The following AKAP12 variants were observed in gnomAD, a reference collection of about 807,000 sequenced individuals.
AKAP12 encodes A-kinase anchor protein 12.
In AKAP12, 32 loss-of-function variants were observed where a neutral mutation model predicts 79.9. That is an observed-to-expected ratio of 0.40 (90% CI 0.30 to 0.54). The LOEUF is 0.54. Among genes scored for constraint, AKAP12 ranks in the 20% least tolerant of loss-of-function variants. AKAP12 has a pLI of 0.48. For missense variants in AKAP12, 2,074 were observed against 2,177.0 expected (o/e 0.95, Z 0.94); for synonymous variants, 808 against 857.0 (o/e 0.94, Z 1.00).
At chr6:151,240,111 T>G in intron 1 of AKAP12, 52 bp downstream of exon 1, 1 of 155,900 alleles carries the variant, frequency 6.4e-6, no homozygotes, top group Non-Finnish European at 1.4e-5. Context: ...CGGCAGGCTT[T>G]TTGCTCCCCT....
chr6:151,272,460 C>T (rs530106945), intron 2 of AKAP12, among the ~76,000 whole-genome samples: 2 of 151,080 alleles, frequency 1.3e-5, no homozygotes, highest in East Asian at 3.9e-4. Flanking sequence ...TTCTGTTTTT[C>T]GTACTCCCTT....
At chr6:151,354,346 A>AG (rs1778386662) in intron 4 of AKAP12, among the ~76,000 whole-genome samples, 2 of 116,620 alleles carry the variant, frequency 1.7e-5, no homozygotes, top group African/African-American at 1.0e-4. Context: ...AGTTGCTAGT[A>AG]ACTCCCCATC....
chr6:151,256,606 ATGTG>A (rs1282742320), intron 2 of AKAP12, among the ~76,000 whole-genome samples: 1 of 151,600 alleles, frequency 6.6e-6, no homozygotes, highest in Admixed American at 6.6e-5. Context: ...TTTTTTATAT[ATGTG>A]TGTGTGTGTA....
chr6:151,255,676 G>A (rs1797278792), intron 2 of AKAP12, among the ~76,000 whole-genome samples: 1 of 152,076 alleles, frequency 6.6e-6, no homozygotes, highest in Non-Finnish European at 1.5e-5. Flanking sequence ...TATAGTCCCA[G>A]CTACTCAGGA....
chr6:151,241,936 C>T (rs2114671340), intron 2 of AKAP12, among the ~76,000 whole-genome samples: 1 of 151,952 alleles, frequency 6.6e-6, no homozygotes, highest in African/African-American at 2.4e-5. Flanking sequence ...ATAGTTTTTA[C>T]CGCCAGTCTT....
At chr6:151,242,816 C>T (rs1797004220) in intron 2 of AKAP12, among the ~76,000 whole-genome samples, 2 of 152,300 alleles carry the variant, frequency 1.3e-5, no homozygotes, top group South Asian at 2.1e-4. Flanking sequence ...CAACGGTGTT[C>T]CTTCATGCGT....
intron 3 of AKAP12, among the ~76,000 whole-genome samples, chr6:151,345,893 ATATGTGTGTGTG>A (rs1347845135): frequency 4.9e-5 from 4 of 82,354 alleles, no homozygotes; most frequent in Admixed American, 1.3e-4. Flanking sequence ...ATGTGTGTGT[ATATGTGTGTGTG>A]TGTGTGTGTG....
chr6:151,293,697 C>G (rs1198489576), intron 2 of AKAP12, among the ~76,000 whole-genome samples: 1 of 152,154 alleles, frequency 6.6e-6, no homozygotes, highest in Non-Finnish European at 1.5e-5. Flanking sequence ...TTGTTAAACA[C>G]GGAACTCCAG....
intron 2 of AKAP12, among the ~76,000 whole-genome samples, chr6:151,260,113 T>C (rs1797394697): frequency 6.6e-6 from 1 of 152,190 alleles, no homozygotes. Context: ...CAGTCTCTTT[T>C]CTTACTGTCA....
intron 2 of AKAP12, among the ~76,000 whole-genome samples, chr6:151,299,784 A>G (rs1459310083): frequency 6.8e-6 from 1 of 147,566 alleles, no homozygotes; most frequent in Non-Finnish European, 1.5e-5. Context: ...ATTATGAAGT[A>G]TTTATTACTT....
chr6:151,351,167 G>A lies in AKAP12; in HGVS notation c.2776G>A (p.Glu926Lys). ...ASVTEPLEQV[E>K]AEAALLTEEV... ...AGTGACAGAACCTCTTGAACAAGTAGAAGCTGAAGCCGCACTGTTAACTGA... is the reference window on the plus strand; with the variant it reads ...AGTGACAGAACCTCTTGAACAAGTAAAAGCTGAAGCCGCACTGTTAACTGA... The change falls in exon 4 of 5, where the codon GAA becomes AAA. Residue 926 changes from glutamate (E) to lysine (K), a missense_variant. Around this residue, in one of 3 missense-constraint regions of AKAP12, gnomAD observed 1,428 missense variants for 1,451.0 expected, o/e 0.98. Coordinates refer to ENST00000402676, the MANE Select transcript of AKAP12 (RefSeq NM_005100.4). This position sits in a 1 kb window ranked among gnomAD's most constrained non-coding sequence, Gnocchi z 4.4. 1 of 1,614,218 alleles carries A rather than the reference G, an allele frequency of 6.2e-7. No homozygotes were observed. Among genetic ancestry groups the A allele is most frequent in the Middle Eastern group, 1.6e-4 (1 of 6,062 alleles).
At chr6:151,277,592 T>C (rs1776310390) in intron 2 of AKAP12, among the ~76,000 whole-genome samples, 1 of 152,230 alleles carries the variant, frequency 6.6e-6, no homozygotes, top group East Asian at 1.9e-4. Context: ...ATGAGTTAAC[T>C]ATTAGGGCTT....
intron 3 of AKAP12, among the ~76,000 whole-genome samples, chr6:151,330,014 AAC>A: frequency 6.6e-6 from 1 of 152,216 alleles, no homozygotes; most frequent in East Asian, 1.9e-4. Context: ...GGGATCGTGA[AAC>A]ATCAATATCA....
chr6:151,311,272 A>G (rs925655705), intron 3 of AKAP12, among the ~76,000 whole-genome samples: 1 of 152,222 alleles, frequency 6.6e-6, no homozygotes, highest in African/African-American at 2.4e-5. Context: ...GCCAGCCTTA[A>G]GTAATTTCTG....
intron 3 of AKAP12, chr6:151,319,541 G>GAT (rs1562736651): frequency 1.8e-3 from 126 of 68,540 alleles, no homozygotes; most frequent in African/African-American, 9.3e-3. Flanking sequence ...TATATATATA[G>GAT]ATATAGATAT....
chr6:151,335,320 C>T (rs1345657121), intron 3 of AKAP12, among the ~76,000 whole-genome samples: 1 of 152,160 alleles, frequency 6.6e-6, no homozygotes, highest in Non-Finnish European at 1.5e-5. Context: ...CTGAAGAAAA[C>T]AAGCAAAAAT....
chr6:151,347,636 A>G (rs960798552), intron 3 of AKAP12, among the ~76,000 whole-genome samples: 1 of 152,260 alleles, frequency 6.6e-6, no homozygotes, highest in Non-Finnish European at 1.5e-5. Context: ...AGGTCATTGG[A>G]AAGAAGTAGA....
intron 3 of AKAP12, among the ~76,000 whole-genome samples, chr6:151,342,927 T>C (rs1777990555): frequency 6.6e-6 from 1 of 152,078 alleles, no homozygotes; most frequent in East Asian, 1.9e-4. Flanking sequence ...CATGCACGAC[T>C]GATTTTTGTA....
rs1285807126 is a variant in AKAP12 at position 151,240,430 on chromosome 6, C to T, written c.-133C>T. The T allele has an allele frequency of 7.4e-5, 74 of 994,460 alleles. No individual in the cohort carries two copies. Among genetic ancestry groups the T allele is most frequent in the African/African-American group, 1.7e-5 (1 of 58,912 alleles). 61.6% of individuals were successfully genotyped at this position (994,460 alleles called of 1,614,324 possible). On this transcript the variant is annotated 5_prime_UTR_variant, in exon 2 of 5. Coordinates refer to ENST00000402676, the MANE Select transcript of AKAP12 (RefSeq NM_005100.4). ...CCTTCATTCGCAGGCTGGGCGCGTTCGCAGTCGGCTGGCGGCGAAGGAAGG... is the reference window on the plus strand; with the variant it reads ...CCTTCATTCGCAGGCTGGGCGCGTTTGCAGTCGGCTGGCGGCGAAGGAAGG...
Sources: allele counts gnomAD v4.1 joint callset (sites outside exome capture counted in the v4.1 genomes callset), GRCh38; gene constraint gnomAD v4.1.1; regional missense constraint gnomAD v4.1.1; non-coding constraint Gnocchi (gnomAD v3.1); transcripts MANE v1.5; gene names NCBI Gene and HGNC (gene_info 2026-07-23, HGNC 2026-07-21).